The following DCC variants were observed in gnomAD, a reference collection of about 807,000 sequenced individuals.
The protein encoded by DCC is netrin receptor DCC.
In DCC, 58 loss-of-function variants were observed where a neutral mutation model predicts 172.5. The observed-to-expected ratio is 0.34, with a 90% CI of 0.27 to 0.42. The LOEUF (loss-of-function observed/expected upper bound fraction) is 0.42. Ranked by LOEUF, DCC falls within the 10% of genes least tolerant of loss-of-function variation. DCC has a pLI of 1.00. For missense variants in DCC, 1,740 were observed against 1,791.0 expected (o/e 0.97, Z 0.51); for synonymous variants, 709 against 644.5 (o/e 1.10, Z -1.52).
intron 27 of DCC, among the ~76,000 whole-genome samples, chr18:53,502,805 C>G (rs1351275787): frequency 6.6e-6 from 1 of 151,896 alleles, no homozygotes; most frequent in Non-Finnish European, 1.5e-5. Flanking sequence ...AAGGAAGAAG[C>G]TCTTTCCCCA....
chr18:52,589,492 G>A (rs2033751419), intron 1 of DCC, among the ~76,000 whole-genome samples: 1 of 152,168 alleles, frequency 6.6e-6, no homozygotes, highest in Non-Finnish European at 1.5e-5. Context: ...ATATTTGAAT[G>A]TGTTCTCAAG....
chr18:53,463,797 A>ACTT (rs2045587157), intron 24 of DCC, among the ~76,000 whole-genome samples: 1 of 152,216 alleles, frequency 6.6e-6, no homozygotes, highest in African/African-American at 2.4e-5. Context: ...TTATATAAGT[A>ACTT]CTTTTCTTGT....
chr18:52,480,167 C>G (rs2029896979), intron 1 of DCC, among the ~76,000 whole-genome samples: 2 of 152,234 alleles, frequency 1.3e-5, no homozygotes, highest in South Asian at 4.1e-4. Flanking sequence ...TTCTCTTCTA[C>G]CATCTTTACT....
At position 52,466,185 on chromosome 18, in the gene DCC, T is replaced by C. The variant is rs971833693; in HGVS notation, c.91+125307T>C. Among the ~76,000 whole-genome samples, 93 of 152,272 alleles carry C rather than the reference T, an allele frequency of 6.1e-4. 1 individual carries two copies. The highest frequency in any genetic ancestry group is 2.1e-3 in the African/African-American group (89 of 41,550). ...CAGCTCCAAGCCCTTTAAAGAACAA[T>C]ACTGCTTTATAGACGTTTTGTCTGG... On this transcript the variant is annotated intron_variant, in intron 1 of 28. Coordinates refer to ENST00000442544, the MANE Select transcript of DCC (RefSeq NM_005215.4).
At chr18:52,495,661 G>A (rs2030714089) in intron 1 of DCC, among the ~76,000 whole-genome samples, 2 of 152,074 alleles carry the variant, frequency 1.3e-5, no homozygotes, top group South Asian at 4.1e-4. Flanking sequence ...ATTTTACAAA[G>A]TAAATCATCT....
At chr18:52,914,688 CAG>C (rs1401583098) in intron 3 of DCC, among the ~76,000 whole-genome samples, 3 of 152,022 alleles carry the variant, frequency 2.0e-5, no homozygotes, top group Non-Finnish European at 2.9e-5. Flanking sequence ...ATTTTTCACT[CAG>C]AGCACATAGT....
At chr18:53,272,989 G>T (rs1431834261) in intron 12 of DCC, among the ~76,000 whole-genome samples, 1 of 152,066 alleles carries the variant, frequency 6.6e-6, no homozygotes, top group African/African-American at 2.4e-5. Context: ...ACAATTATTG[G>T]CTGGATATGA....
At chr18:53,504,278 C>A (rs961400746) in intron 27 of DCC, among the ~76,000 whole-genome samples, 1 of 152,062 alleles carries the variant, frequency 6.6e-6, no homozygotes, top group Non-Finnish European at 1.5e-5. Flanking sequence ...GAATACCACA[C>A]GAGTGTTCCA....
At chr18:53,509,174 G>C (rs2046220259) in intron 27 of DCC, among the ~76,000 whole-genome samples, 1 of 152,202 alleles carries the variant, frequency 6.6e-6, no homozygotes, top group Non-Finnish European at 1.5e-5. Context: ...AGCAAAGAGG[G>C]ATAAGAAGTG....
intron 2 of DCC, among the ~76,000 whole-genome samples, chr18:52,784,589 CTT>C (rs2037617033): frequency 6.6e-6 from 1 of 151,660 alleles, no homozygotes; most frequent in African/African-American, 2.4e-5. Flanking sequence ...TATTTTTTGT[CTT>C]TTTGTTAATA....
At chr18:53,078,285 T>G (rs1214327940) in intron 7 of DCC, among the ~76,000 whole-genome samples, 1 of 152,130 alleles carries the variant, frequency 6.6e-6, no homozygotes, top group African/African-American at 2.4e-5. Context: ...AGCAAGACCC[T>G]GTCTCATAAG....
chr18:53,526,680 C>T lies in DCC; in HGVS notation c.4175C>T (p.Ser1392Phe), dbSNP rs1208410804. 1.2e-6 allele frequency: 2 copies of T among 1,613,356 alleles called. No homozygotes were observed. The highest frequency in any genetic ancestry group is 1.7e-6 in the Non-Finnish European group (2 of 1,179,590). Residue 1392 changes from serine (S) to phenylalanine (F), a missense_variant, in exon 28 of 29, where the codon TCC (serine) becomes TTC (phenylalanine). By Grantham distance (155) the Ser-to-Phe change is radical (BLOSUM62 -2). This residue lies in a region of DCC where 1,732 missense variants were observed against 1,767.4 expected (regional missense o/e 0.98). Coordinates refer to ENST00000442544, the MANE Select transcript of DCC (RefSeq NM_005215.4). ...ASLGLAGKAR[S>F]PLLPVSVPTA... ...CTTGGGTTGGCTGGAAAAGCAAGAT[C>T]CCCTTTGCTTCCTGTGTCTGTGCCA...
chr18:53,287,818 A>G (rs1359842591), intron 12 of DCC, among the ~76,000 whole-genome samples: 1 of 152,162 alleles, frequency 6.6e-6, no homozygotes, highest in Non-Finnish European at 1.5e-5. Flanking sequence ...TTAAACAGTC[A>G]TTTGCAGAAA....
In DCC at chr18:53,148,642, A is replaced by G. The variant is rs527553695; in HGVS notation, c.1262-8714A>G. On this transcript the variant is annotated intron_variant, in intron 7 of 28. Transcript: ENST00000442544. ...ATGATTAGTAAGAAAATACAAAGAG[A>G]AAAAAGAGACCTGAAATGAAATAAA... 7.9e-5 allele frequency among the ~76,000 whole-genome samples: 12 copies of G among 152,236 alleles called. No homozygotes were observed. In the South Asian group the frequency reaches 2.5e-3, roughly 32 times the overall value.
intron 14 of DCC, among the ~76,000 whole-genome samples, chr18:53,322,735 C>A (rs2057427198): frequency 6.6e-6 from 1 of 151,134 alleles, no homozygotes; most frequent in African/African-American, 2.4e-5. Flanking sequence ...TAAGCATAAT[C>A]CTCAAAATTA....
intron 15 of DCC, among the ~76,000 whole-genome samples, chr18:53,354,440 T>C (rs1380029781): frequency 6.6e-6 from 1 of 152,190 alleles, no homozygotes; most frequent in Admixed American, 6.5e-5. Context: ...TCCTGACTTT[T>C]TAATGCTCGC....
chr18:52,708,308 G>A (rs1170268848), intron 1 of DCC, among the ~76,000 whole-genome samples: 1 of 152,056 alleles, frequency 6.6e-6, no homozygotes, highest in Non-Finnish European at 1.5e-5. Context: ...TGGGCGTGGT[G>A]GCGGGCGCCT....
chr18:53,326,367 C>T (rs1211365362), intron 14 of DCC, among the ~76,000 whole-genome samples: 1 of 152,130 alleles, frequency 6.6e-6, no homozygotes, highest in African/African-American at 2.4e-5. Context: ...GTTTTACTTG[C>T]TGTAAAAAAT....
chr18:52,607,473 G>C (rs910259374), intron 1 of DCC, among the ~76,000 whole-genome samples: 1 of 152,140 alleles, frequency 6.6e-6, no homozygotes, highest in East Asian at 1.9e-4. Context: ...AGTGACCATA[G>C]AGCGTACTTT....
Sources: gnomAD v4.1 joint callset for allele counts (sites outside exome capture counted in the v4.1 genomes callset) on GRCh38, gnomAD v4.1.1 for gene constraint, gnomAD v4.1.1 regional missense constraint, MANE v1.5 for transcripts, NCBI Gene and HGNC (gene_info 2026-07-23, HGNC 2026-07-21) for gene names.